The following SNX14 variants were observed in gnomAD, a reference collection of about 807,000 sequenced individuals.
The protein encoded by SNX14 is sorting nexin 14.
Under a neutral mutation model 133.8 loss-of-function variants are expected in SNX14, and 93 were observed. The observed-to-expected ratio is 0.70, with a 90% CI of 0.59 to 0.83. The LOEUF (loss-of-function observed/expected upper bound fraction) is 0.83. Ranked by LOEUF, SNX14 falls within the 40% of genes least tolerant of loss-of-function variation. The pLI is 0.00. For synonymous variants in SNX14, 368 were observed against 365.6 expected, an observed-to-expected ratio of 1.01 and a Z score of -0.07; for missense variants, 945 against 1,094.9, an observed-to-expected ratio of 0.86 and a Z score of 1.93.
At chr6:85,556,744 T>C (rs1040528299) in intron 7 of SNX14, among the ~76,000 whole-genome samples, 1 of 152,116 alleles carries the variant, frequency 6.6e-6, no homozygotes, top group Non-Finnish European at 1.5e-5. Flanking sequence ...TGAGCCACCA[T>C]GCTCACCCTC....
At chr6:85,592,061 T>C (rs1210567430) in intron 1 of SNX14, among the ~76,000 whole-genome samples, 1 of 152,250 alleles carries the variant, frequency 6.6e-6, no homozygotes, top group Non-Finnish European at 1.5e-5. Context: ...ATTTCTTTCA[T>C]ACTAAACCTG....
chr6:85,593,631 G>A lies in SNX14; in HGVS notation c.88C>T (p.Leu30=). 4 of 1,612,646 alleles carry A rather than the reference G, an allele frequency of 2.5e-6. No homozygotes were observed. Among genetic ancestry groups the A allele is most frequent in the Non-Finnish European group, 3.4e-6 (4 of 1,179,826 alleles). The change falls in exon 1 of 29, where the codon CTG becomes TTG. Residue 30 remains leucine, a synonymous_variant. Transcript: ENST00000314673. The part of the protein sequence containing the change: ...VGREICRQYP[L]FCFLLLCLSA... ...AGACAGAGCAGCAGGAAGCAGAACA[G>A]CGGGTACTGGCGGCAGATCTCGCGT...
intron 1 of SNX14, among the ~76,000 whole-genome samples, chr6:85,592,472 T>G (rs1803108603): frequency 6.6e-6 from 1 of 152,238 alleles, no homozygotes; most frequent in East Asian, 1.9e-4. Flanking sequence ...TATCTCAGAT[T>G]TCTTTCCACC....
intron 27 of SNX14, 43 bp downstream of exon 27, chr6:85,507,925 C>A: frequency 1.3e-6 from 2 of 1,558,254 alleles, no homozygotes; most frequent in East Asian, 2.3e-5. Context: ...CGTCGTTCAC[C>A]AAACCTAGCC....
intron 2 of SNX14, among the ~76,000 whole-genome samples, chr6:85,573,445 A>C (rs1414706272): frequency 6.6e-6 from 1 of 152,170 alleles, no homozygotes; most frequent in Non-Finnish European, 1.5e-5. Context: ...GCGCCACCGC[A>C]CTCCAACCTG....
intron 23 of SNX14, among the ~76,000 whole-genome samples, chr6:85,515,715 G>A (rs1774735420): frequency 6.6e-6 from 1 of 151,776 alleles, no homozygotes; most frequent in African/African-American, 2.4e-5. Context: ...TAGGAAAAGG[G>A]CTCTCCCTTC....
intron 15 of SNX14, among the ~76,000 whole-genome samples, chr6:85,540,730 T>G (rs1431796044): frequency 2.6e-5 from 4 of 152,202 alleles, no homozygotes; most frequent in Non-Finnish European, 4.4e-5. Context: ...ATACAATATA[T>G]TCTCCTCGTG....
intron 15 of SNX14, 21 bp from the exon 16 acceptor site, chr6:85,538,885 A>C (rs1336047943): frequency 6.3e-7 from 1 of 1,587,186 alleles, no homozygotes; most frequent in South Asian, 1.2e-5. Flanking sequence ...AGGTATGTGA[A>C]ATAATATAAG....
At chr6:85,548,477 G>T in intron 8 of SNX14, 101 bp from the exon 9 acceptor site, 1 of 891,264 alleles carries the variant, frequency 1.1e-6, no homozygotes, top group Non-Finnish European at 1.7e-6. Context: ...TTAAAATGGA[G>T]ACTATAATTC....
At chr6:85,554,707 T>A (rs1789058382) in intron 7 of SNX14, among the ~76,000 whole-genome samples, 1 of 152,172 alleles carries the variant, frequency 6.6e-6, no homozygotes, top group Non-Finnish European at 1.5e-5. Flanking sequence ...TTAGGGTGAC[T>A]TTATAATTGA....
intron 7 of SNX14, among the ~76,000 whole-genome samples, chr6:85,553,245 C>G (rs1459302760): frequency 6.6e-6 from 1 of 152,170 alleles, no homozygotes; most frequent in Non-Finnish European, 1.5e-5. Flanking sequence ...TCAAGGCTAT[C>G]TGCATTTGTG....
chr6:85,538,981 G>C (rs892280420), intron 15 of SNX14, 117 bp from the exon 16 acceptor site: 12 of 736,336 alleles, frequency 1.6e-5, no homozygotes, highest in Non-Finnish European at 4.2e-6. Flanking sequence ...AGTTACACAG[G>C]TGTATAACAT....
intron 5 of SNX14, 148 bp from the exon 6 acceptor site, chr6:85,565,567 A>G: frequency 1.7e-6 from 1 of 596,872 alleles, no homozygotes; most frequent in East Asian, 3.0e-5. Flanking sequence ...GCAGAAAAAA[A>G]GACATGTACA....
At chr6:85,562,237 C>T (rs1377378579) in intron 6 of SNX14, among the ~76,000 whole-genome samples, 1 of 152,148 alleles carries the variant, frequency 6.6e-6, no homozygotes, top group Admixed American at 6.5e-5. Context: ...ATCCAGTCCA[C>T]TACTGCTGGG....
At chr6:85,515,923 T>TTTA (rs1353699964) in intron 23 of SNX14, among the ~76,000 whole-genome samples, 3 of 152,178 alleles carry the variant, frequency 2.0e-5, no homozygotes, top group African/African-American at 7.2e-5. Flanking sequence ...AGATATACAG[T>TTTA]TTATTACATC....
chr6:85,578,239 C>T (rs1445063783), intron 1 of SNX14, among the ~76,000 whole-genome samples: 1 of 152,078 alleles, frequency 6.6e-6, no homozygotes, highest in African/African-American at 2.4e-5. Flanking sequence ...GTCTCTTTCC[C>T]AACACCACAC....
intron 23 of SNX14, 47 bp downstream of exon 23, chr6:85,517,709 G>A (rs541064363): frequency 1.3e-6 from 2 of 1,536,652 alleles, no homozygotes; most frequent in Middle Eastern, 1.7e-4. Context: ...GTAATCTCAA[G>A]TAGGGCAACT....
intron 1 of SNX14, among the ~76,000 whole-genome samples, chr6:85,587,526 C>G (rs1356740707): frequency 6.6e-6 from 1 of 152,124 alleles, no homozygotes; most frequent in Non-Finnish European, 1.5e-5. Flanking sequence ...AATGTAGTAG[C>G]ATGATCAGAG....
intron 7 of SNX14, among the ~76,000 whole-genome samples, chr6:85,550,345 A>C (rs1440638642): frequency 1.3e-5 from 2 of 152,228 alleles, no homozygotes; most frequent in East Asian, 3.9e-4. Flanking sequence ...ACGCCTCTAC[A>C]AGTTATATAA....
Sources: allele counts gnomAD v4.1 joint callset (sites outside exome capture counted in the v4.1 genomes callset), GRCh38; gene constraint gnomAD v4.1.1; transcripts MANE v1.5; gene names NCBI Gene and HGNC (gene_info 2026-07-23, HGNC 2026-07-21).